Variants in EIF2A observed in about 807,000 individuals in gnomAD.
EIF2A encodes eukaryotic translation initiation factor 2A, also known as 65 kDa eukaryotic translation initiation factor 2A.
Under a neutral mutation model 75.2 loss-of-function variants are expected in EIF2A, and 62 were observed. That is an observed-to-expected ratio of 0.82 (90% CI 0.67 to 1.02). EIF2A has a LOEUF of 1.02. Ranked by LOEUF, EIF2A falls within the 50% of genes least tolerant of loss-of-function variation. The probability of loss-of-function intolerance (pLI) is 0.00; values close to 1 mark genes in which losing one functional copy is unlikely to be tolerated. For missense variants in EIF2A, 611 were observed against 677.7 expected, an observed-to-expected ratio of 0.90 and a Z score of 1.09; for synonymous variants, 207 against 239.0, an observed-to-expected ratio of 0.87 and a Z score of 1.23.
chr3:150,573,946 C>G (rs183476170), intron 10 of EIF2A, among the ~76,000 whole-genome samples: 1 of 152,006 alleles, frequency 6.6e-6, no homozygotes, highest in Non-Finnish European at 1.5e-5. Context: ...GTGGGGGTTT[C>G]GATCTGTAAT....
At chr3:150,574,667 G>GA (rs1724754420) in intron 10 of EIF2A, among the ~76,000 whole-genome samples, 1 of 152,196 alleles carries the variant, frequency 6.6e-6, no homozygotes, top group African/African-American at 2.4e-5. Flanking sequence ...TTGATGACCT[G>GA]AAATAGTTAA....
Position 150,584,300 on chromosome 3 carries a change from T to C in EIF2A, c.*389T>C, listed in dbSNP as rs1244879058. 1 of 154,970 alleles carries C rather than the reference T, an allele frequency of 6.5e-6. No homozygotes were observed. The highest frequency in any genetic ancestry group is 2.1e-4 in the South Asian group (1 of 4,876). The allele number at this position is 154,970 out of a possible 1,614,324, so 9.6% of individuals were successfully genotyped here. ...ATATCCTTTATTAATTTATAAGATG[T>C]GTAAAACTACTTAATTCTCACAAGA... On this transcript the variant is annotated 3_prime_UTR_variant, in exon 14 of 14. Transcript: ENST00000460851.
At chr3:150,549,851 C>T (rs1204620621) in intron 1 of EIF2A, among the ~76,000 whole-genome samples, 1 of 152,122 alleles carries the variant, frequency 6.6e-6, no homozygotes, top group East Asian at 1.9e-4. Flanking sequence ...ATCTGCTTGA[C>T]CAGTTGAAGT....
intron 11 of EIF2A, among the ~76,000 whole-genome samples, chr3:150,580,096 A>G (rs537131293): frequency 6.6e-6 from 1 of 152,270 alleles, no homozygotes; most frequent in South Asian, 2.1e-4. Flanking sequence ...GGGGAATGGT[A>G]GAATATGGTG....
intron 7 of EIF2A, 22 bp from the exon 8 acceptor site, chr3:150,567,874 AGTAATG>A: frequency 6.3e-7 from 1 of 1,580,570 alleles, no homozygotes. Context: ...CAAAAAATTA[AGTAATG>A]ATTTATGTCT....
intron 11 of EIF2A, among the ~76,000 whole-genome samples, chr3:150,579,797 C>G (rs1295028461): frequency 2.0e-5 from 3 of 152,030 alleles, no homozygotes; most frequent in Non-Finnish European, 4.4e-5. Context: ...AAGTGATACC[C>G]TATTCTATGT....
At chr3:150,582,664 G>A (rs1046154576) in intron 12 of EIF2A, among the ~76,000 whole-genome samples, 1 of 152,036 alleles carries the variant, frequency 6.6e-6, no homozygotes, top group Non-Finnish European at 1.5e-5. Flanking sequence ...TGATAATTAG[G>A]GGCAGATATT....
chr3:150,578,441 AAT>A (rs1250079614), intron 11 of EIF2A, among the ~76,000 whole-genome samples: 1 of 150,866 alleles, frequency 6.6e-6, no homozygotes, highest in Non-Finnish European at 1.5e-5. Context: ...TATTATAAAT[AAT>A]AGTTATTTGT....
chr3:150,583,688 C>T (rs1014559366), intron 13 of EIF2A, among the ~76,000 whole-genome samples, 158 bp from the exon 14 acceptor site: 1 of 147,732 alleles, frequency 6.8e-6, no homozygotes, highest in Admixed American at 6.6e-5. Context: ...TCGATTCATA[C>T]CAGATAACAA....
intron 2 of EIF2A, chr3:150,557,698 G>A (rs769651037): frequency 1.8e-5 from 7 of 391,454 alleles, no homozygotes; most frequent in Non-Finnish European, 3.0e-5. Flanking sequence ...TGCACCATGA[G>A]AAAGAGATTT....
intron 10 of EIF2A, among the ~76,000 whole-genome samples, chr3:150,572,900 G>A (rs1018100972): frequency 2.7e-5 from 4 of 149,998 alleles, no homozygotes; most frequent in Admixed American, 2.7e-4. Flanking sequence ...TAAACAAAAC[G>A]TATGACTGGT....
At chr3:150,559,738 G>A (rs1306940249) in intron 3 of EIF2A, among the ~76,000 whole-genome samples, 3 of 151,838 alleles carry the variant, frequency 2.0e-5, no homozygotes, top group African/African-American at 4.8e-5. Context: ...TGATCCACCC[G>A]CTTTATTCAG....
Position 150,572,522 on chromosome 3 carries a change from C to T in EIF2A, c.1376C>T (p.Ser459Phe). ...PALRNKPITN[S>F]KLHEEEPPQN... ...TTAAGAAATAAACCAATCACCAATT[C>T]CAAATTGGTAAGTAAAGTTTTACTA... is the stretch of plus-strand genomic sequence containing the variant. Residue 459 changes from serine to phenylalanine, a missense_variant, in exon 10 of 14, where the codon TCC (serine) becomes TTC (phenylalanine). Physicochemically the swap from Ser to Phe is radical, Grantham distance 155. Transcript: ENST00000460851. The T allele has an allele frequency of 1.3e-6, 2 of 1,599,490 alleles. No individual in the cohort carries two copies. The highest frequency in any genetic ancestry group is 2.3e-5 in the South Asian group (2 of 88,734).
intron 2 of EIF2A, chr3:150,557,527 A>G: frequency 4.6e-6 from 1 of 216,280 alleles, no homozygotes; most frequent in Non-Finnish European, 9.7e-6. Flanking sequence ...CAGCGTCCTG[A>G]GTAGCTGGGA....
At chr3:150,576,718 T>C (rs958840005) in intron 11 of EIF2A, among the ~76,000 whole-genome samples, 6 of 152,188 alleles carry the variant, frequency 3.9e-5, no homozygotes, top group African/African-American at 1.2e-4. Context: ...AAGCTGGAAA[T>C]TACATGACTA....
chr3:150,573,769 CA>C (rs1441461699), intron 10 of EIF2A, among the ~76,000 whole-genome samples: 4 of 151,902 alleles, frequency 2.6e-5, no homozygotes, highest in African/African-American at 9.7e-5. Flanking sequence ...GATAACTTCA[CA>C]AAGGAGGAGA....
Position 150,572,386 on chromosome 3 carries a change from C to T in EIF2A, c.1240C>T (p.Gln414Ter). The change falls in exon 10 of 14, where the codon CAG becomes TAG. Residue 414 changes from glutamine to a stop codon, truncating the protein, a stop_gained. Transcript: ENST00000460851. LOFTEE classifies it high-confidence loss of function. The part of the protein sequence containing the change: ...SNAELWQVSW[Q>*]PFLDGIFPAK... Reference sequence around the variant, plus strand: ...TGCAGAATTATGGCAGGTTTCTTGGCAGCCATTTTTGGATGGAATATTTCC... The same window carrying T: ...TGCAGAATTATGGCAGGTTTCTTGGTAGCCATTTTTGGATGGAATATTTCC... The T allele has an allele frequency of 6.2e-7, 1 of 1,613,922 alleles. No homozygotes were observed. The highest frequency in any genetic ancestry group is 1.1e-5 in the South Asian group (1 of 91,086).
At chr3:150,565,459 C>A (rs1355509871) in intron 6 of EIF2A, among the ~76,000 whole-genome samples, 1 of 152,138 alleles carries the variant, frequency 6.6e-6, no homozygotes, top group Non-Finnish European at 1.5e-5. Context: ...TATTTGGTTA[C>A]CTAGTGCTGC....
Position 150,562,580 on chromosome 3 carries a change from A to T in EIF2A, c.212A>T (p.His71Leu). ...IISVTNKGLLHSFDLLKAVCL... is the reference protein window; with the variant it reads ...IISVTNKGLLLSFDLLKAVCL... ...AGTGTCACTAACAAGGGACTACTGCACTCCTTCGACCTCCTGAAGGCAGTT... is the reference window on the plus strand; with the variant it reads ...AGTGTCACTAACAAGGGACTACTGCTCTCCTTCGACCTCCTGAAGGCAGTT... The change falls in exon 4 of 14, where the codon CAC (histidine) becomes CTC (leucine). Residue 71 changes from histidine (H) to leucine (L), a missense_variant. By Grantham distance (99) the His-to-Leu change is moderately conservative (BLOSUM62 -3). Coordinates refer to ENST00000460851, the MANE Select transcript of EIF2A (RefSeq NM_032025.5). The T allele has an allele frequency of 6.2e-7, 1 of 1,613,488 alleles. No individual in the cohort carries two copies.
Sources: gnomAD v4.1 joint callset for allele counts (sites outside exome capture counted in the v4.1 genomes callset) on GRCh38, gnomAD v4.1.1 for gene constraint, MANE v1.5 for transcripts, NCBI Gene and HGNC (gene_info 2026-07-23, HGNC 2026-07-21) for gene names.